Variants in BMPR1A observed in about 807,000 individuals in gnomAD.
BMPR1A encodes bone morphogenetic protein receptor type 1A, also known as bone morphogenetic protein receptor type-1A.
BMPR1A carries 7 observed loss-of-function variants against 66.0 expected under a neutral mutation model. The observed-to-expected ratio is 0.11, with a 90% CI of 0.06 to 0.20. The LOEUF (loss-of-function observed/expected upper bound fraction) is 0.20. Ranked by LOEUF, BMPR1A falls within the 10% of genes least tolerant of loss-of-function variation. The pLI is 1.00. For synonymous variants in BMPR1A, 200 were observed against 229.7 expected (o/e 0.87, Z 1.17); for missense variants, 408 against 669.1 (o/e 0.61, Z 4.31).
chr10:86,916,213 G>A (rs1189372673), intron 8 of BMPR1A, among the ~76,000 whole-genome samples: 1 of 152,170 alleles, frequency 6.6e-6, no homozygotes, highest in African/African-American at 2.4e-5. Context: ...ATGGGACCAG[G>A]CCAGATCAGG....
In BMPR1A at chr10:86,847,935, C is replaced by CT. The variant is rs757764095; in HGVS notation, c.-153+8970dup. On this transcript the variant is annotated intron_variant, in intron 2 of 12. Transcript: ENST00000372037. ...ATTAATATCTTTATAGAAAATGATA[C>CT]TTTTTTTTTTTTTTGAGATAGAGTC... Among the ~76,000 whole-genome samples the CT allele has an allele frequency of 8.6e-3, 1,223 of 142,760 alleles. 5 individuals carry two copies. The highest frequency in any genetic ancestry group is 9.6e-3 in the Non-Finnish European group (622 of 64,882). The allele number at this position is 142,760 out of a possible 152,430, so 93.7% of individuals were successfully genotyped here.
chr10:86,881,620 T>TA (rs1270792773), intron 3 of BMPR1A, among the ~76,000 whole-genome samples: 2 of 152,192 alleles, frequency 1.3e-5, no homozygotes, highest in Non-Finnish European at 2.9e-5. Flanking sequence ...TCGAGCTAAT[T>TA]ACCATTTACA....
In BMPR1A at chr10:86,890,131, A is replaced by G. The variant is rs1589763371; in HGVS notation, c.137A>G (p.Asn46Ser). The change falls in exon 4 of 13, where the codon AAT (asparagine) becomes AGT (serine). Residue 46 changes from asparagine to serine, a missense_variant. Asn to Ser is a conservative substitution (Grantham distance 46, BLOSUM62 1). Around this residue, in one of 5 missense-constraint regions of BMPR1A, gnomAD observed 68 missense variants for 83.0 expected, o/e 0.82. Coordinates refer to ENST00000372037, the MANE Select transcript of BMPR1A (RefSeq NM_004329.3). The stretch of plus-strand genomic sequence containing the variant: ...GACTCCGACCAGAAAAAGTCAGAAA[A>G]TGGAGTAACCTTAGCACCAGAGGAT... Reference protein sequence around the residue: ...KSDSDQKKSENGVTLAPEDTL... With the variant: ...KSDSDQKKSESGVTLAPEDTL... 1.2e-6 allele frequency: 2 copies of G among 1,614,126 alleles called. No individual in the cohort carries two copies. Among genetic ancestry groups the G allele is most frequent in the East Asian group, 4.5e-5 (2 of 44,862 alleles).
intron 7 of BMPR1A, among the ~76,000 whole-genome samples, chr10:86,902,761 C>A (rs927956353): frequency 2.6e-5 from 4 of 152,192 alleles, no homozygotes. Context: ...TCGGGTTGGG[C>A]ATCACAGGGG....
chr10:86,791,762 C>G (rs959420139), intron 1 of BMPR1A, among the ~76,000 whole-genome samples: 16 of 127,664 alleles, frequency 1.3e-4, no homozygotes, highest in African/African-American at 4.5e-4. Context: ...CTCTGTTGCC[C>G]AGGCTGGAGT....
chr10:86,829,491 G>C (rs886511037), intron 1 of BMPR1A, among the ~76,000 whole-genome samples: 1 of 152,118 alleles, frequency 6.6e-6, no homozygotes, highest in African/African-American at 2.4e-5. Flanking sequence ...TATGTGTTTA[G>C]TGCTGTGCTG....
At chr10:86,763,520 C>T (rs1047715814) in intron 1 of BMPR1A, among the ~76,000 whole-genome samples, 4 of 152,002 alleles carry the variant, frequency 2.6e-5, no homozygotes, top group African/African-American at 7.2e-5. Context: ...AGTTAGCTGC[C>T]GAAATTGAAG....
At chr10:86,775,962 T>C (rs1020409705) in intron 1 of BMPR1A, among the ~76,000 whole-genome samples, 4 of 152,184 alleles carry the variant, frequency 2.6e-5, no homozygotes, top group African/African-American at 9.6e-5. Flanking sequence ...TCCCCGCAGC[T>C]CTGTCTGTTC....
intron 11 of BMPR1A, 116 bp from the exon 12 acceptor site, chr10:86,923,259 AT>A: frequency 7.3e-7 from 1 of 1,361,910 alleles, no homozygotes; most frequent in African/African-American, 1.4e-5. Flanking sequence ...TAGTGTCTAT[AT>A]TTTTTCTTGT....
At chr10:86,921,841 G>A in intron 11 of BMPR1A, 146 bp downstream of exon 11, 1 of 991,548 alleles carries the variant, frequency 1.0e-6, no homozygotes, top group Non-Finnish European at 1.5e-6. Flanking sequence ...TTTGATACAG[G>A]CATGCCATGT....
In BMPR1A at chr10:86,927,523, C is replaced by T. The variant is rs1843761224; in HGVS notation, c.*3804C>T. The T allele has an allele frequency of 5.0e-6, 1 of 199,778 alleles. No homozygotes were observed. 12.4% of individuals were successfully genotyped at this position (199,778 alleles called of 1,614,324 possible). A position where few individuals can be genotyped will look rare whatever the true frequency, so the allele number is the denominator to read the frequency against. Reference sequence around the variant, plus strand: ...TGTGTTCCTAAGAACCAAAATCCAGCACAGCATCCTGTGAAGCCACGTGTA... The same window carrying T: ...TGTGTTCCTAAGAACCAAAATCCAGTACAGCATCCTGTGAAGCCACGTGTA... On this transcript the variant is annotated 3_prime_UTR_variant, in exon 13 of 13. Coordinates refer to ENST00000372037, the MANE Select transcript of BMPR1A (RefSeq NM_004329.3).
intron 9 of BMPR1A, among the ~76,000 whole-genome samples, chr10:86,918,473 C>T (rs747611005): frequency 6.6e-6 from 1 of 152,122 alleles, no homozygotes; most frequent in Non-Finnish European, 1.5e-5. Context: ...TAATTAGGAG[C>T]TAACTCTTAG....
intron 2 of BMPR1A, among the ~76,000 whole-genome samples, chr10:86,845,295 G>A (rs1448124702): frequency 6.6e-6 from 1 of 152,228 alleles, no homozygotes; most frequent in Non-Finnish European, 1.5e-5. Flanking sequence ...GGGCAGCTGG[G>A]CTTCAGCCCT....
intron 1 of BMPR1A, among the ~76,000 whole-genome samples, chr10:86,830,751 A>G (rs1842257426): frequency 6.6e-6 from 1 of 152,138 alleles, no homozygotes; most frequent in Non-Finnish European, 1.5e-5. Context: ...GTTAGCAAAT[A>G]TATTTTCCTA....
intron 1 of BMPR1A, among the ~76,000 whole-genome samples, chr10:86,757,617 A>G (rs1455293347): frequency 1.3e-5 from 2 of 152,066 alleles, no homozygotes; most frequent in Non-Finnish European, 2.9e-5. Context: ...TGAGCGTGGT[A>G]CTCTTTCATG....
chr10:86,920,279 A>G (rs921059270), intron 10 of BMPR1A, among the ~76,000 whole-genome samples: 50 of 152,190 alleles, frequency 3.3e-4, no homozygotes, highest in African/African-American at 1.1e-3. Context: ...GGTATGTTGC[A>G]TATTATTTCT....
At chr10:86,798,780 G>A (rs1841763298) in intron 1 of BMPR1A, among the ~76,000 whole-genome samples, 1 of 152,140 alleles carries the variant, frequency 6.6e-6, no homozygotes, top group Non-Finnish European at 1.5e-5. Context: ...AATCTCCTTT[G>A]TTGCACTTAC....
intron 1 of BMPR1A, among the ~76,000 whole-genome samples, chr10:86,777,485 G>A (rs1841369843): frequency 6.6e-6 from 1 of 152,128 alleles, no homozygotes; most frequent in Admixed American, 6.5e-5. Context: ...GGAGGCTAAA[G>A]TGGGAGGATC....
intron 8 of BMPR1A, among the ~76,000 whole-genome samples, chr10:86,916,713 G>A (rs1450454175): frequency 6.6e-6 from 1 of 152,168 alleles, no homozygotes; most frequent in Non-Finnish European, 1.5e-5. Flanking sequence ...TTATGGCCGG[G>A]CATGGTGGCT....
Sources: allele counts gnomAD v4.1 joint callset (sites outside exome capture counted in the v4.1 genomes callset), GRCh38; gene constraint gnomAD v4.1.1; regional missense constraint gnomAD v4.1.1; transcripts MANE v1.5; gene names NCBI Gene and HGNC (gene_info 2026-07-23, HGNC 2026-07-21).